The following FOXP2 variants were observed in gnomAD, a reference collection of about 807,000 sequenced individuals.
FOXP2 encodes forkhead box protein P2.
Under a neutral mutation model 115.8 loss-of-function variants are expected in FOXP2, and 12 were observed. The observed-to-expected ratio is 0.10, with a 90% CI of 0.07 to 0.17. FOXP2 has a LOEUF of 0.17. Ranked by LOEUF, FOXP2 falls within the 10% of genes least tolerant of loss-of-function variation. FOXP2 has a pLI of 1.00. For synonymous variants in FOXP2, 328 were observed against 297.7 expected (o/e 1.10, Z -1.05); for missense variants, 629 against 843.5 (o/e 0.75, Z 3.15).
At chr7:114,639,728 C>A (rs1309158146) in intron 6 of FOXP2, among the ~76,000 whole-genome samples, 3 of 151,968 alleles carry the variant, frequency 2.0e-5, no homozygotes, top group Non-Finnish European at 2.9e-5. Flanking sequence ...ATTTGAGAAG[C>A]AACAGAAGGC....
intron 2 of FOXP2, among the ~76,000 whole-genome samples, chr7:114,397,813 T>C (rs2129195802): frequency 6.6e-6 from 1 of 152,276 alleles, no homozygotes; most frequent in East Asian, 1.9e-4. Context: ...ATAGCAGGGC[T>C]AACAATTAGG....
At chr7:114,353,334 CT>C (rs138925770) in intron 2 of FOXP2, among the ~76,000 whole-genome samples, 2,100 of 63,988 alleles carry the variant, frequency 0.033, 38 homozygotes, top group East Asian at 0.17. Context: ...ATAGGAGCCT[CT>C]TTTTTTTTTT....
chr7:114,353,303 T>C (rs915339380), intron 2 of FOXP2, among the ~76,000 whole-genome samples: 8 of 151,492 alleles, frequency 5.3e-5, no homozygotes, highest in African/African-American at 1.5e-4. Context: ...CCCCCTCTTC[T>C]GTTGTCATTT....
chr7:114,552,988 G>T (rs1800285015), intron 3 of FOXP2, among the ~76,000 whole-genome samples: 1 of 151,884 alleles, frequency 6.6e-6, no homozygotes, highest in African/African-American at 2.4e-5. Context: ...ATAGAAAATA[G>T]TTCTCTCTCC....
At chr7:114,335,626 T>C (rs1036808160) in intron 2 of FOXP2, among the ~76,000 whole-genome samples, 1 of 151,894 alleles carries the variant, frequency 6.6e-6, no homozygotes, top group Non-Finnish European at 1.5e-5. Context: ...GTATAAATAA[T>C]ATTGAAAAGT....
chr7:114,192,169 T>TGGACTACAGGCATGCACCACCAC (rs1554429049), intron 1 of FOXP2, among the ~76,000 whole-genome samples: 39 of 152,226 alleles, frequency 2.6e-4, no homozygotes, highest in South Asian at 8.3e-4. Context: ...GTATTTGTAG[T>TGGACTACAGGCATGCACCACCAC]AGAGACGGGG....
chr7:114,571,455 A>G (rs1252835509), intron 3 of FOXP2, among the ~76,000 whole-genome samples: 2 of 151,856 alleles, frequency 1.3e-5, no homozygotes, highest in Admixed American at 1.3e-4. Context: ...AAGCAACTTC[A>G]TGTTTCTATT....
intron 1 of FOXP2, among the ~76,000 whole-genome samples, chr7:114,419,251 C>T (rs553585818): frequency 4.6e-4 from 70 of 151,908 alleles, no homozygotes; most frequent in African/African-American, 1.6e-3. Context: ...TATTGTTTGG[C>T]AGCAATAGTG....
At chr7:114,195,955 A>T (rs908325094) in intron 1 of FOXP2, among the ~76,000 whole-genome samples, 2 of 152,198 alleles carry the variant, frequency 1.3e-5, no homozygotes, top group Non-Finnish European at 2.9e-5. Context: ...CATCTCCTAA[A>T]AAAGAAATAA....
Position 114,445,435 on chromosome 7 carries a change from A to C in FOXP2, c.168+18756A>C, listed in dbSNP as rs550687542. Among the ~76,000 whole-genome samples the C allele has an allele frequency of 2.6e-5, 4 of 152,288 alleles. No homozygotes were observed. The East Asian group carries it at 7.7e-4, about 29-fold the overall frequency. ...AACTTAGGATCAACTCCAACTTTACAATTCATTTCCTTTTATGTCTGTTTT... is the reference window on the plus strand; with the variant it reads ...AACTTAGGATCAACTCCAACTTTACCATTCATTTCCTTTTATGTCTGTTTT... On this transcript the variant is annotated intron_variant, in intron 2 of 16. Transcript: ENST00000350908.
At chr7:114,139,018 T>C (rs1792128960) in intron 1 of FOXP2, among the ~76,000 whole-genome samples, 1 of 152,180 alleles carries the variant, frequency 6.6e-6, no homozygotes, top group African/African-American at 2.4e-5. Flanking sequence ...GTTGTAGTTT[T>C]ACATTTAACA....
intron 1 of FOXP2, among the ~76,000 whole-genome samples, chr7:114,233,705 T>C (rs934072081): frequency 3.3e-5 from 5 of 152,178 alleles, no homozygotes; most frequent in African/African-American, 1.2e-4. Flanking sequence ...CAAACTGTAG[T>C]AATATGATGA....
At chr7:114,251,119 T>G (rs1795431095) in intron 1 of FOXP2, among the ~76,000 whole-genome samples, 1 of 152,194 alleles carries the variant, frequency 6.6e-6, no homozygotes, top group Admixed American at 6.5e-5. Context: ...ATGTGTGGTA[T>G]TATTTCTGAG....
At chr7:114,601,981 ATG>A in intron 3 of FOXP2, among the ~76,000 whole-genome samples, 1 of 152,208 alleles carries the variant, frequency 6.6e-6, no homozygotes, top group East Asian at 1.9e-4. Context: ...ATAGAGATAT[ATG>A]TGTGTGTAAC....
At chr7:114,231,907 A>G (rs1794884721) in intron 1 of FOXP2, among the ~76,000 whole-genome samples, 1 of 152,206 alleles carries the variant, frequency 6.6e-6, no homozygotes, top group South Asian at 2.1e-4. Context: ...CAGCAAAAGA[A>G]ACAAGAGTGC....
chr7:114,235,057 A>G (rs527800040), intron 1 of FOXP2, among the ~76,000 whole-genome samples: 143 of 152,166 alleles, frequency 9.4e-4, no homozygotes, highest in African/African-American at 3.3e-3. Flanking sequence ...ATAACCTTCA[A>G]TGACGGGTGA....
intron 3 of FOXP2, among the ~76,000 whole-genome samples, chr7:114,588,296 ACT>A (rs1481849232): frequency 1.3e-5 from 2 of 151,956 alleles, no homozygotes; most frequent in Non-Finnish European, 2.9e-5. Context: ...AACAGATGAG[ACT>A]CTGTCTCAAA....
chr7:114,523,829 C>T (rs1798741006), intron 2 of FOXP2, among the ~76,000 whole-genome samples: 1 of 152,142 alleles, frequency 6.6e-6, no homozygotes, highest in Non-Finnish European at 1.5e-5. Flanking sequence ...CCTAGCTAAC[C>T]TGTCAAATAT....
At chr7:114,475,700 C>G (rs569422558) in intron 2 of FOXP2, among the ~76,000 whole-genome samples, 2 of 152,008 alleles carry the variant, frequency 1.3e-5, no homozygotes, top group Admixed American at 6.6e-5. Flanking sequence ...AGTAAGCATA[C>G]TTTTCCTTAA....
Sources: gnomAD v4.1 joint callset for allele counts (sites outside exome capture counted in the v4.1 genomes callset) on GRCh38, gnomAD v4.1.1 for gene constraint, MANE v1.5 for transcripts, NCBI Gene and HGNC (gene_info 2026-07-23, HGNC 2026-07-21) for gene names.